The following LRRC8B variants were observed in gnomAD, a reference collection of about 807,000 sequenced individuals.
The protein encoded by LRRC8B is volume-regulated anion channel subunit LRRC8B.
In LRRC8B, 23 loss-of-function variants were observed where a neutral mutation model predicts 58.8. The observed-to-expected ratio is 0.39, with a 90% CI of 0.28 to 0.55. LRRC8B has a LOEUF of 0.55. LRRC8B is among the 20% of genes least tolerant of loss of function. The pLI, the probability that LRRC8B is intolerant of heterozygous loss-of-function variation, is 0.62. For missense variants in LRRC8B, 694 were observed against 936.0 expected (o/e 0.74, Z 3.37); for synonymous variants, 359 against 374.1 (o/e 0.96, Z 0.47).
intron 1 of LRRC8B, among the ~76,000 whole-genome samples, chr1:89,553,805 C>G (rs1280529455): frequency 1.3e-5 from 2 of 151,768 alleles, no homozygotes; most frequent in African/African-American, 2.4e-5. Flanking sequence ...AGATATATAC[C>G]CTAATATAAA....
At chr1:89,536,227 G>A (rs1650516373) in intron 1 of LRRC8B, among the ~76,000 whole-genome samples, 1 of 152,146 alleles carries the variant, frequency 6.6e-6, no homozygotes, top group African/African-American at 2.4e-5. Flanking sequence ...TTATCCCCAT[G>A]ATACAAACAT....
At chr1:89,588,890 A>T (rs115529137) in intron 5 of LRRC8B, among the ~76,000 whole-genome samples, 3,698 of 152,202 alleles carry the variant, frequency 0.024, 148 homozygotes, top group African/African-American at 0.084. Flanking sequence ...CTAGGAAAGG[A>T]TTTTACATTT....
chr1:89,548,509 TATTAA>T (rs1651575375), intron 1 of LRRC8B, among the ~76,000 whole-genome samples: 1 of 152,212 alleles, frequency 6.6e-6, no homozygotes. Flanking sequence ...TGTCTTATAA[TATTAA>T]GTTAATGTGA....
chr1:89,541,905 T>C (rs1258891514), intron 1 of LRRC8B, among the ~76,000 whole-genome samples: 1 of 152,050 alleles, frequency 6.6e-6, no homozygotes, highest in Non-Finnish European at 1.5e-5. Flanking sequence ...AAGCATTGAC[T>C]ATACCAAGAA....
intron 1 of LRRC8B, among the ~76,000 whole-genome samples, chr1:89,552,237 A>G (rs1651879460): frequency 6.6e-6 from 1 of 152,196 alleles, no homozygotes; most frequent in African/African-American, 2.4e-5. Flanking sequence ...GCTTAAAATT[A>G]AAAATAAGTA....
At chr1:89,585,932 T>C (rs1317668214) in intron 5 of LRRC8B, among the ~76,000 whole-genome samples, 1 of 152,242 alleles carries the variant, frequency 6.6e-6, no homozygotes, top group Non-Finnish European at 1.5e-5. Context: ...AATCATACAT[T>C]ATTTTTGAAA....
At chr1:89,558,014 T>C (rs1054546246) in intron 1 of LRRC8B, among the ~76,000 whole-genome samples, 1 of 151,904 alleles carries the variant, frequency 6.6e-6, no homozygotes, top group Admixed American at 6.6e-5. Context: ...GAAGTATAGA[T>C]AGAAATAAAG....
chr1:89,563,844 G>C (rs971136108), intron 1 of LRRC8B, among the ~76,000 whole-genome samples: 1 of 152,086 alleles, frequency 6.6e-6, no homozygotes, highest in African/African-American at 2.4e-5. Context: ...GGGATACTCA[G>C]CTTATCTAAG....
At chr1:89,555,232 A>G (rs746536606) in intron 1 of LRRC8B, among the ~76,000 whole-genome samples, 6 of 152,280 alleles carry the variant, frequency 3.9e-5, no homozygotes, top group Non-Finnish European at 8.8e-5. Context: ...ACCTTACTCT[A>G]TCACTTCAGA....
chr1:89,584,910 G>C (rs1241498010), intron 5 of LRRC8B, 121 bp downstream of exon 5: 1 of 664,028 alleles, frequency 1.5e-6, no homozygotes. Flanking sequence ...ATCCGATCTT[G>C]CATAAATTAC....
At chr1:89,557,247 C>T (rs1652262604) in intron 1 of LRRC8B, among the ~76,000 whole-genome samples, 1 of 151,858 alleles carries the variant, frequency 6.6e-6, no homozygotes, top group Admixed American at 6.6e-5. Context: ...ACAGTAGGAC[C>T]CAAATATGAT....
chr1:89,582,322 C>G (rs1570639266), intron 4 of LRRC8B, among the ~76,000 whole-genome samples: 1 of 152,114 alleles, frequency 6.6e-6, no homozygotes, highest in Non-Finnish European at 1.5e-5. Context: ...TTTTTAGTAG[C>G]CTAGCCTGGA....
chr1:89,534,205 A>C (rs995895526), intron 1 of LRRC8B, among the ~76,000 whole-genome samples: 10 of 152,192 alleles, frequency 6.6e-5, no homozygotes, highest in African/African-American at 2.4e-4. Context: ...TATATTTTTA[A>C]AGTTAATGTC....
intron 1 of LRRC8B, among the ~76,000 whole-genome samples, chr1:89,552,476 C>T (rs1475788660): frequency 6.6e-6 from 1 of 152,120 alleles, no homozygotes; most frequent in Non-Finnish European, 1.5e-5. Flanking sequence ...TATAATAACT[C>T]TCACTATGTT....
chr1:89,530,381 T>TAATAAATAAATA (rs150494551), intron 1 of LRRC8B, among the ~76,000 whole-genome samples: 2 of 147,570 alleles, frequency 1.4e-5, no homozygotes, highest in African/African-American at 4.9e-5. Flanking sequence ...AATAAATAAA[T>TAATAAATAAATA]AATAAATAAA....
At chr1:89,561,072 C>T (rs372261931) in intron 1 of LRRC8B, among the ~76,000 whole-genome samples, 137 of 149,926 alleles carry the variant, frequency 9.1e-4, no homozygotes, top group African/African-American at 2.8e-3. Flanking sequence ...TTTTAATGAT[C>T]GCCATTCTAA....
rs369449390 is a variant in LRRC8B, at chr1:89,592,955, G to A, written c.2324G>A (p.Arg775Gln). 5 of 1,613,976 alleles carry A rather than the reference G, an allele frequency of 3.1e-6. No homozygotes were observed. Among genetic ancestry groups the A allele is most frequent in the African/African-American group, 2.7e-5 (2 of 74,908 alleles). ...PELEGCQSLK[R>Q]NCLIVEENLL... is the part of the protein sequence containing the mutation. ...CTAGAAGGATGTCAGTCCCTAAAACGGAACTGTCTGATTGTTGAGGAGAAC... is the reference window on the plus strand; with the variant it reads ...CTAGAAGGATGTCAGTCCCTAAAACAGAACTGTCTGATTGTTGAGGAGAAC... Residue 775 changes from arginine (R) to glutamine (Q), a missense_variant, in exon 6 of 6, where the codon CGG becomes CAG. Arg to Gln is a conservative substitution (Grantham distance 43). Transcript: ENST00000330947.
rs370859944 is a variant in LRRC8B, at chr1:89,530,524, C to T, written c.-241+5502C>T. On this transcript the variant is annotated intron_variant, in intron 1 of 5. Coordinates refer to ENST00000330947, the MANE Select transcript of LRRC8B (RefSeq NM_001369817.2). ...GTCTTGATACAACAAGCAGATGCAT[C>T]TGAGACAGGGCACTGTAAAGTAGGA... Among the ~76,000 whole-genome samples the T allele has an allele frequency of 9.8e-5, 15 of 152,294 alleles. No homozygotes were observed. In the South Asian group the frequency reaches 3.1e-3, roughly 32 times the overall value.
At chr1:89,566,186 C>T (rs1653035918) in intron 1 of LRRC8B, among the ~76,000 whole-genome samples, 1 of 152,120 alleles carries the variant, frequency 6.6e-6, no homozygotes, top group Admixed American at 6.5e-5. Flanking sequence ...CTCAAAGAAT[C>T]GCAGGCAATA....
Sources: gnomAD v4.1 joint callset for allele counts (sites outside exome capture counted in the v4.1 genomes callset) on GRCh38, gnomAD v4.1.1 for gene constraint, MANE v1.5 for transcripts, NCBI Gene and HGNC (gene_info 2026-07-23, HGNC 2026-07-21) for gene names.